KIAA0319L: variants seen among roughly 807,000 people sequenced by gnomAD.
KIAA0319L encodes dyslexia-associated protein KIAA0319-like protein.
KIAA0319L carries 55 observed loss-of-function variants against 120.1 expected under a neutral mutation model. The observed-to-expected ratio is 0.46, with a 90% CI of 0.37 to 0.57. The LOEUF (loss-of-function observed/expected upper bound fraction) is 0.57. KIAA0319L is among the 20% of genes least tolerant of loss of function. KIAA0319L has a pLI of 0.00. For synonymous variants in KIAA0319L, 398 were observed against 471.9 expected, an observed-to-expected ratio of 0.84 and a Z score of 2.03; for missense variants, 1,049 against 1,255.3, an observed-to-expected ratio of 0.84 and a Z score of 2.48.
At chr1:35,540,656 C>T (rs1056757662) in intron 2 of KIAA0319L, among the ~76,000 whole-genome samples, 5 of 152,238 alleles carry the variant, frequency 3.3e-5, no homozygotes, top group Admixed American at 2.0e-4. Context: ...AGGAACTTCA[C>T]TTACATAATT....
chr1:35,471,138 T>C (rs926750350), intron 5 of KIAA0319L, among the ~76,000 whole-genome samples, 178 bp from the exon 6 acceptor site: 3 of 152,208 alleles, frequency 2.0e-5, no homozygotes, highest in Admixed American at 1.3e-4. Context: ...CGAATGCTGC[T>C]GACTCAGCTA....
intron 2 of KIAA0319L, among the ~76,000 whole-genome samples, chr1:35,550,585 G>C (rs537106381): frequency 6.6e-6 from 1 of 152,250 alleles, no homozygotes; most frequent in South Asian, 2.1e-4. Context: ...TAAATATTTA[G>C]TTGTACATCT....
intron 2 of KIAA0319L, among the ~76,000 whole-genome samples, chr1:35,544,987 T>TCTCA (rs1447654112): frequency 6.6e-6 from 1 of 151,908 alleles, no homozygotes; most frequent in Non-Finnish European, 1.5e-5. Flanking sequence ...AACACATGGG[T>TCTCA]CTCACTGAGC....
At chr1:35,500,597 A>G (rs1644969307) in intron 3 of KIAA0319L, among the ~76,000 whole-genome samples, 1 of 152,224 alleles carries the variant, frequency 6.6e-6, no homozygotes, top group South Asian at 2.1e-4. Flanking sequence ...GGCAAGACAA[A>G]AGCAATTTAT....
chr1:35,522,437 G>A (rs185826245), intron 2 of KIAA0319L, among the ~76,000 whole-genome samples: 6 of 151,812 alleles, frequency 4.0e-5, no homozygotes, highest in South Asian at 4.2e-4. Flanking sequence ...GCACCACCAC[G>A]CCCAGCTAAT....
chr1:35,452,454 T>A (rs951262873), intron 12 of KIAA0319L, among the ~76,000 whole-genome samples: 1 of 152,212 alleles, frequency 6.6e-6, no homozygotes, highest in African/African-American at 2.4e-5. Context: ...AGGATCAAAA[T>A]GCCCCAGAGC....
In KIAA0319L at chr1:35,526,357, GTATATATATACATACA is replaced by G. The variant is rs1398733722; in HGVS notation, c.143-19238_143-19223del. On this transcript the variant is annotated intron_variant, in intron 2 of 20. Transcript: ENST00000325722. Reference sequence around the variant, plus strand: ...TATGTATATATGTACGTGTGTGTGTGTATATATATACATACATATATATATACATACATATATATAT... The same window carrying G: ...TATGTATATATGTACGTGTGTGTGTGTATATATATACATACATATATATAT... Among the ~76,000 whole-genome samples, 44 of 137,630 alleles carry G rather than the reference GTATATATATACATACA, an allele frequency of 3.2e-4. No homozygotes were observed. The East Asian group carries it at 6.6e-3, about 21-fold the overall frequency. 90.3% of individuals were successfully genotyped at this position (137,630 alleles called of 152,430 possible).
intron 10 of KIAA0319L, among the ~76,000 whole-genome samples, chr1:35,455,573 ATTTTTTT>A (rs551358599): frequency 4.3e-5 from 4 of 93,468 alleles, no homozygotes; most frequent in Non-Finnish European, 5.8e-5. Flanking sequence ...ATTTAAGATA[ATTTTTTT>A]TTTTTTTTTT....
At position 35,453,435 on chromosome 1, in the gene KIAA0319L, C is replaced by A. The variant is rs1228612216; in HGVS notation, c.1913+122G>T. ...TTGAAGTTTGGAATTGCAAACATTT[C>A]TTCCTCAGTCACCCCACTGGATAAG... On this transcript the variant is annotated intron_variant, in intron 12 of 20. Transcript: ENST00000325722. This position sits in a 1 kb window ranked among gnomAD's most constrained non-coding sequence, Gnocchi z 4.1. The A allele has an allele frequency of 1.2e-6, 1 of 800,660 alleles. No homozygotes were observed. Among genetic ancestry groups the A allele is most frequent in the Admixed American group, 2.5e-5 (1 of 40,434 alleles). The allele number at this position is 800,660 out of a possible 1,614,324, so 49.6% of individuals were successfully genotyped here.
chr1:35,508,397 A>G (rs553595390), intron 2 of KIAA0319L, among the ~76,000 whole-genome samples: 1 of 152,324 alleles, frequency 6.6e-6, no homozygotes, highest in African/African-American at 2.4e-5. Flanking sequence ...AGCAACTGAC[A>G]ATCAGCCAAA....
chr1:35,540,049 C>A (rs1646731571), intron 2 of KIAA0319L, among the ~76,000 whole-genome samples: 1 of 152,142 alleles, frequency 6.6e-6, no homozygotes, highest in Admixed American at 6.5e-5. Flanking sequence ...TAATGTTAAG[C>A]CAGTTGGAAG....
intron 5 of KIAA0319L, 70 bp from the exon 6 acceptor site, chr1:35,471,030 G>T (rs1286891785): frequency 5.3e-5 from 46 of 873,842 alleles, no homozygotes; most frequent in Admixed American, 1.4e-4. Context: ...CACATAGCCT[G>T]CCAATAACAA....
intron 7 of KIAA0319L, among the ~76,000 whole-genome samples, chr1:35,464,722 C>T (rs548066550): frequency 6.6e-6 from 1 of 152,294 alleles, no homozygotes; most frequent in South Asian, 2.1e-4. Flanking sequence ...TAGCAGCCCT[C>T]ACAGGGGCTG....
chr1:35,482,116 G>A (rs999988466), intron 3 of KIAA0319L, among the ~76,000 whole-genome samples: 11 of 151,902 alleles, frequency 7.2e-5, no homozygotes, highest in Admixed American at 5.9e-4. Flanking sequence ...GAGCCACCAC[G>A]CCCGGCCTGC....
chr1:35,492,990 C>A (rs1644654980), intron 3 of KIAA0319L, among the ~76,000 whole-genome samples: 1 of 152,122 alleles, frequency 6.6e-6, no homozygotes, highest in African/African-American at 2.4e-5. Context: ...AAGAGCTCAT[C>A]TCCACAAAAA....
chr1:35,528,201 T>C lies in KIAA0319L; in HGVS notation c.143-21066A>G, dbSNP rs11488633. Among the ~76,000 whole-genome samples, 594 of 152,272 alleles carry C rather than the reference T, an allele frequency of 3.9e-3. 3 individuals carry two copies. Among genetic ancestry groups the C allele is most frequent in the African/African-American group, 0.014 (566 of 41,554 alleles). ...CACCTGGGCTCAAGAGATCCTCTTG[T>C]CTCAGCCTCCTGAGTAGTTAGGACT... On this transcript the variant is annotated intron_variant, in intron 2 of 20. Transcript: ENST00000325722.
intron 7 of KIAA0319L, among the ~76,000 whole-genome samples, chr1:35,464,691 A>C (rs970524906): frequency 1.3e-5 from 2 of 152,232 alleles, no homozygotes; most frequent in African/African-American, 4.8e-5. Flanking sequence ...AAATGTCTCT[A>C]GGGCATGTGA....
intron 3 of KIAA0319L, among the ~76,000 whole-genome samples, chr1:35,484,783 TATATATATATATATATATATATA>T (rs1644302611): frequency 8.9e-5 from 5 of 56,286 alleles, no homozygotes; most frequent in Non-Finnish European, 1.7e-4. Context: ...TATATATATA[TATATATATATATATATATATATA>T]TTTTTTTTTT....
chr1:35,444,498 G>T (rs1189511378), intron 16 of KIAA0319L, among the ~76,000 whole-genome samples, 195 bp from the exon 17 acceptor site: 1 of 152,226 alleles, frequency 6.6e-6, no homozygotes, highest in Admixed American at 6.5e-5. Flanking sequence ...GGCTTTGTAA[G>T]AGGGGTTAAG....
Sources: gnomAD v4.1 joint callset for allele counts (sites outside exome capture counted in the v4.1 genomes callset) on GRCh38, gnomAD v4.1.1 for gene constraint, Gnocchi (gnomAD v3.1) non-coding constraint, MANE v1.5 for transcripts, NCBI Gene and HGNC (gene_info 2026-07-23, HGNC 2026-07-21) for gene names.